The following PLCB4 variants were observed in gnomAD, a reference collection of about 807,000 sequenced individuals.
The protein encoded by PLCB4 is phospholipase C beta 4, also known as 1-phosphatidylinositol 4,5-bisphosphate phosphodiesterase beta-4.
A neutral mutation model predicts 178.8 loss-of-function variants in PLCB4; 77 were observed. The observed-to-expected ratio is 0.43, with a 90% CI of 0.36 to 0.52. The LOEUF (loss-of-function observed/expected upper bound fraction) is 0.52, where lower values mean the gene tolerates loss of function less well. PLCB4 is among the 20% of genes least tolerant of loss of function. PLCB4 has a pLI of 0.00. For missense variants in PLCB4, 1,024 were observed against 1,453.4 expected, an observed-to-expected ratio of 0.70 and a Z score of 4.80; for synonymous variants, 496 against 490.8, an observed-to-expected ratio of 1.01 and a Z score of -0.14.
intron 21 of PLCB4, among the ~76,000 whole-genome samples, chr20:9,405,819 G>T (rs930528282): frequency 6.6e-6 from 1 of 152,150 alleles, no homozygotes; most frequent in Admixed American, 6.5e-5. Flanking sequence ...GATCACAGTG[G>T]TTTTATTTAG....
chr20:9,127,170 T>C (rs923439188), intron 2 of PLCB4, among the ~76,000 whole-genome samples: 1 of 152,120 alleles, frequency 6.6e-6, no homozygotes, highest in Non-Finnish European at 1.5e-5. Context: ...CAATGCTCAT[T>C]GAACTCTAAG....
intron 3 of PLCB4, among the ~76,000 whole-genome samples, 178 bp from the exon 4 acceptor site, chr20:9,307,622 A>G (rs1022373447): frequency 1.3e-5 from 2 of 151,968 alleles, no homozygotes; most frequent in Admixed American, 1.3e-4. Flanking sequence ...CTTGATTATG[A>G]TATCTCCAGG....
chr20:9,329,908 AAG>A (rs2031373609), intron 4 of PLCB4, among the ~76,000 whole-genome samples: 1 of 152,184 alleles, frequency 6.6e-6, no homozygotes, highest in African/African-American at 2.4e-5. Flanking sequence ...ATGAGGGTAA[AAG>A]CAACTTAATA....
At chr20:9,369,529 C>A (rs78208062) in intron 9 of PLCB4, among the ~76,000 whole-genome samples, 20 of 152,136 alleles carry the variant, frequency 1.3e-4, no homozygotes, top group African/African-American at 4.8e-4. Flanking sequence ...TTATTGATGT[C>A]ACACACATAT....
chr20:9,358,228 A>G (rs1341648359), intron 7 of PLCB4, among the ~76,000 whole-genome samples: 2 of 152,186 alleles, frequency 1.3e-5, no homozygotes, highest in Non-Finnish European at 2.9e-5. Context: ...TTCCCAGGTG[A>G]TCCTGATGCT....
intron 26 of PLCB4, among the ~76,000 whole-genome samples, chr20:9,421,000 G>A (rs1345375106): frequency 6.6e-6 from 1 of 152,142 alleles, no homozygotes; most frequent in Non-Finnish European, 1.5e-5. Flanking sequence ...TAGACACTTA[G>A]GTGAGATGAA....
At chr20:9,119,596 G>A (rs899101409) in intron 2 of PLCB4, among the ~76,000 whole-genome samples, 1 of 151,318 alleles carries the variant, frequency 6.6e-6, no homozygotes, top group Admixed American at 6.6e-5. Flanking sequence ...GGATCCCATC[G>A]AAATCATTTG....
chr20:9,282,350 G>A (rs1346870507), intron 3 of PLCB4, among the ~76,000 whole-genome samples: 3 of 151,936 alleles, frequency 2.0e-5, no homozygotes, highest in Admixed American at 6.6e-5. Flanking sequence ...TAAGGTTGAC[G>A]TATTTGTGTT....
Position 9,363,101 on chromosome 20 carries a change from T to C in PLCB4, c.449+126T>C, listed in dbSNP as rs2035488761. On this transcript the variant is annotated intron_variant, in intron 8 of 39. Transcript: ENST00000378473. ...TGCCTTTCCCTCCATGCTCCTGACC[T>C]TGGAGTTGACCAACACACACCTGTA... 9 of 718,070 alleles carry C rather than the reference T, an allele frequency of 1.3e-5. 1 individual carries two copies. In the South Asian group the frequency reaches 1.4e-4, roughly 11 times the overall value. The allele number at this position is 718,070 out of a possible 1,614,324, so 44.5% of individuals were successfully genotyped here.
chr20:9,430,668 A>G (rs890541173), intron 28 of PLCB4, among the ~76,000 whole-genome samples: 5 of 152,214 alleles, frequency 3.3e-5, no homozygotes, highest in Non-Finnish European at 7.3e-5. Flanking sequence ...GGTGACATCT[A>G]CATAATCCGA....
chr20:9,457,595 T>G (rs1023618246), intron 34 of PLCB4, 106 bp downstream of exon 34: 2 of 694,418 alleles, frequency 2.9e-6, no homozygotes, highest in Non-Finnish European at 5.3e-6. Flanking sequence ...CCAGAGCTGG[T>G]CTAGTAGCCT....
chr20:9,152,323 G>A (rs922042287), intron 2 of PLCB4, among the ~76,000 whole-genome samples: 2 of 152,136 alleles, frequency 1.3e-5, no homozygotes, highest in African/African-American at 4.8e-5. Flanking sequence ...CTTCACAGCA[G>A]CCCTTCCCAT....
intron 35 of PLCB4, among the ~76,000 whole-genome samples, chr20:9,464,775 T>G (rs186404357): frequency 3.9e-5 from 6 of 152,136 alleles, no homozygotes; most frequent in Admixed American, 3.9e-4. Flanking sequence ...GGCTCTAAAG[T>G]TGAGGCAATA....
intron 3 of PLCB4, among the ~76,000 whole-genome samples, chr20:9,242,379 C>T (rs1348325081): frequency 6.6e-6 from 1 of 152,194 alleles, no homozygotes; most frequent in Non-Finnish European, 1.5e-5. Flanking sequence ...ACCTCACAGG[C>T]TCCTTCCTAA....
intron 26 of PLCB4, among the ~76,000 whole-genome samples, chr20:9,420,292 C>T (rs553513118): frequency 6.2e-4 from 95 of 152,088 alleles, no homozygotes; most frequent in Non-Finnish European, 1.2e-3. Context: ...GAGGTGGTTT[C>T]GCAGATGTGC....
chr20:9,370,145 A>G (rs1453184978), intron 9 of PLCB4, among the ~76,000 whole-genome samples: 1 of 152,166 alleles, frequency 6.6e-6, no homozygotes, highest in Admixed American at 6.5e-5. Flanking sequence ...CCTAACTTTT[A>G]TCATCACCAG....
At chr20:9,146,911 AT>A (rs969301309) in intron 2 of PLCB4, among the ~76,000 whole-genome samples, 1 of 152,158 alleles carries the variant, frequency 6.6e-6, no homozygotes, top group Non-Finnish European at 1.5e-5. Context: ...CCATATGTGG[AT>A]TTCAGATATT....
intron 4 of PLCB4, among the ~76,000 whole-genome samples, chr20:9,319,013 A>G (rs1303316779): frequency 6.6e-6 from 1 of 152,158 alleles, no homozygotes; most frequent in Non-Finnish European, 1.5e-5. Flanking sequence ...AGTCTTGCAG[A>G]TCATCAGGCT....
intron 35 of PLCB4, among the ~76,000 whole-genome samples, chr20:9,465,931 C>T (rs1284126966): frequency 1.3e-5 from 2 of 152,188 alleles, no homozygotes; most frequent in Non-Finnish European, 2.9e-5. Context: ...TTGGAAAAAA[C>T]TATTTTAAAG....
Sources: allele counts gnomAD v4.1 joint callset (sites outside exome capture counted in the v4.1 genomes callset), GRCh38; gene constraint gnomAD v4.1.1; transcripts MANE v1.5; gene names NCBI Gene and HGNC (gene_info 2026-07-23, HGNC 2026-07-21).